PHACTR1: variants seen among roughly 807,000 people sequenced by gnomAD.
PHACTR1 encodes phosphatase and actin regulator 1, also known as RPEL repeat containing 1.
A neutral mutation model predicts 69.2 loss-of-function variants in PHACTR1; 16 were observed. The observed-to-expected ratio is 0.23, with a 90% CI of 0.16 to 0.35. The LOEUF is 0.35. Ranked by LOEUF, PHACTR1 falls within the 10% of genes least tolerant of loss-of-function variation. The pLI is 1.00. For missense variants in PHACTR1, 510 were observed against 734.7 expected (o/e 0.69, Z 3.54); for synonymous variants, 312 against 284.5 (o/e 1.10, Z -0.97).
intron 4 of PHACTR1, among the ~76,000 whole-genome samples, chr6:12,975,330 C>T (rs902055630): frequency 1.3e-5 from 2 of 152,156 alleles, no homozygotes; most frequent in Non-Finnish European, 2.9e-5. Flanking sequence ...GAAGAGCTCA[C>T]TAAGATCCTG....
chr6:12,869,979 A>T (rs1781861205), intron 4 of PHACTR1, among the ~76,000 whole-genome samples: 1 of 152,224 alleles, frequency 6.6e-6, no homozygotes, highest in Admixed American at 6.5e-5. Context: ...AGATAACCTT[A>T]TGTGATAGTC....
rs1048698537 is a variant in PHACTR1, at chr6:13,077,100, A to T, written c.415+23571A>T. ...AAAACTTAAAGTATAATAAAAAAAA[A>T]AATAAAGTACAAAAAAAAACACTGA... On this transcript the variant is annotated intron_variant, in intron 5 of 14. Transcript: ENST00000332995. Among the ~76,000 whole-genome samples, 7 of 151,806 alleles carry T rather than the reference A, an allele frequency of 4.6e-5. No homozygotes were observed. In the South Asian group the frequency reaches 1.2e-3, roughly 27 times the overall value.
intron 4 of PHACTR1, among the ~76,000 whole-genome samples, chr6:13,032,205 A>G (rs144738940): frequency 1.1e-4 from 16 of 152,348 alleles, no homozygotes; most frequent in Non-Finnish European, 1.9e-4. Flanking sequence ...TTTGTTAAAG[A>G]GACACATTAT....
chr6:12,759,589 C>G (rs528116358), intron 4 of PHACTR1, among the ~76,000 whole-genome samples: 1 of 152,170 alleles, frequency 6.6e-6, no homozygotes, highest in African/African-American at 2.4e-5. Flanking sequence ...CATGGGGCCA[C>G]ACTGATGATA....
Position 13,191,189 on chromosome 6 carries a change from TA to T in PHACTR1, c.664+8507del, listed in dbSNP as rs567817270. The stretch of plus-strand genomic sequence containing the variant: ...TTCCCTCCCAGTAATCCCAGTGCAA[TA>T]AAACCAAAGATTAGACCACTGTGAG... On this transcript the variant is annotated intron_variant, in intron 7 of 14. Transcript: ENST00000332995. Among the ~76,000 whole-genome samples, 17 of 152,256 alleles carry T rather than the reference TA, an allele frequency of 1.1e-4. No individual in the cohort carries two copies. The East Asian group carries it at 3.3e-3, about 29-fold the overall frequency.
intron 4 of PHACTR1, among the ~76,000 whole-genome samples, chr6:12,856,821 A>G (rs1246628721): frequency 6.6e-6 from 1 of 152,224 alleles, no homozygotes; most frequent in Non-Finnish European, 1.5e-5. Flanking sequence ...TTATTTGAGA[A>G]TTAAGCCAGA....
chr6:13,089,169 C>T (rs1323073779), intron 5 of PHACTR1, among the ~76,000 whole-genome samples: 1 of 152,100 alleles, frequency 6.6e-6, no homozygotes, highest in African/African-American at 2.4e-5. Context: ...TTGGTTTGCC[C>T]CCGTCTCTTC....
At chr6:12,758,618 C>T (rs1767653920) in intron 4 of PHACTR1, among the ~76,000 whole-genome samples, 2 of 151,832 alleles carry the variant, frequency 1.3e-5, no homozygotes, top group Admixed American at 1.3e-4. Flanking sequence ...AGTTACATGA[C>T]ATAGTGAAGG....
chr6:12,790,142 G>T (rs1175659563), intron 4 of PHACTR1, among the ~76,000 whole-genome samples: 1 of 151,884 alleles, frequency 6.6e-6, no homozygotes, highest in Non-Finnish European at 1.5e-5. Flanking sequence ...TAAATGAAAG[G>T]CAGGTCATAT....
chr6:12,844,072 T>C (rs1778954849), intron 4 of PHACTR1, among the ~76,000 whole-genome samples: 1 of 152,138 alleles, frequency 6.6e-6, no homozygotes, highest in African/African-American at 2.4e-5. Context: ...AACCCAAGGT[T>C]CCTCTTACAT....
chr6:12,935,301 T>C (rs1002014695), intron 4 of PHACTR1, among the ~76,000 whole-genome samples: 3 of 152,126 alleles, frequency 2.0e-5, no homozygotes, highest in African/African-American at 7.2e-5. Flanking sequence ...TGGAGTGCAG[T>C]AGTACAATCT....
chr6:12,723,517 A>AGAG (rs71552708), intron 3 of PHACTR1, among the ~76,000 whole-genome samples: 4 of 141,412 alleles, frequency 2.8e-5, no homozygotes, highest in Non-Finnish European at 3.0e-5. Context: ...AGAGAGAGAG[A>AGAG]GGGGTCTGGC....
At chr6:12,960,479 C>T (rs991916670) in intron 4 of PHACTR1, among the ~76,000 whole-genome samples, 1 of 152,158 alleles carries the variant, frequency 6.6e-6, no homozygotes, top group African/African-American at 2.4e-5. Flanking sequence ...GTGTTTTGGA[C>T]AGAAGGGTCA....
intron 4 of PHACTR1, among the ~76,000 whole-genome samples, chr6:12,843,498 T>C (rs1778904020): frequency 6.6e-6 from 1 of 152,166 alleles, no homozygotes; most frequent in African/African-American, 2.4e-5. Context: ...GATAAACAGA[T>C]AGAAAGATTG....
At position 13,120,413 on chromosome 6, in the gene PHACTR1, A is replaced by G. The variant is rs554175759; in HGVS notation, c.416-39791A>G. 7.2e-5 allele frequency among the ~76,000 whole-genome samples: 11 copies of G among 152,320 alleles called. No homozygotes were observed. In the South Asian group the frequency reaches 2.3e-3, roughly 32 times the overall value. On this transcript the variant is annotated intron_variant, in intron 5 of 14. Coordinates refer to ENST00000332995, the MANE Select transcript of PHACTR1 (RefSeq NM_030948.6). ...TAGGACTTCTTGGCATGGAGAGTTA[A>G]TAGGAAAATGATGATCTTAAATGAG...
At chr6:12,810,204 C>G (rs577500852) in intron 4 of PHACTR1, among the ~76,000 whole-genome samples, 68 of 152,280 alleles carry the variant, frequency 4.5e-4, no homozygotes, top group African/African-American at 1.6e-3. Flanking sequence ...ATACACATTT[C>G]AAAGTTAGGT....
intron 10 of PHACTR1, chr6:13,272,542 AG>A: frequency 1.9e-6 from 1 of 518,188 alleles, no homozygotes; most frequent in South Asian, 2.5e-5. Flanking sequence ...AGGAAAGAAA[AG>A]GACTTCTGTG....
chr6:12,721,501 T>A (rs1762122881), intron 3 of PHACTR1, among the ~76,000 whole-genome samples: 1 of 152,192 alleles, frequency 6.6e-6, no homozygotes. Flanking sequence ...TTTAAATACA[T>A]TTAAAAATGC....
intron 5 of PHACTR1, among the ~76,000 whole-genome samples, chr6:13,095,749 C>CTTTTTT (rs140109520): frequency 8.2e-4 from 63 of 77,248 alleles, no homozygotes; most frequent in Non-Finnish European, 9.9e-4. Flanking sequence ...TTGTGAAGGG[C>CTTTTTT]TTTTTTTTTT....
Sources: gnomAD v4.1 joint callset for allele counts (sites outside exome capture counted in the v4.1 genomes callset) on GRCh38, gnomAD v4.1.1 for gene constraint, MANE v1.5 for transcripts, NCBI Gene and HGNC (gene_info 2026-07-23, HGNC 2026-07-21) for gene names.